The following CTTNBP2NL variants were observed in gnomAD, a reference collection of about 807,000 sequenced individuals.
CTTNBP2NL encodes the protein CTTNBP2 N-terminal-like protein.
CTTNBP2NL carries 16 observed loss-of-function variants against 32.5 expected under a neutral mutation model. The observed-to-expected ratio is 0.49, with a 90% CI of 0.33 to 0.75. CTTNBP2NL has a LOEUF of 0.75. CTTNBP2NL is among the 30% of genes least tolerant of loss of function. CTTNBP2NL has a pLI of 0.02. For synonymous variants in CTTNBP2NL, 298 were observed against 289.4 expected (o/e 1.03, Z -0.30); for missense variants, 645 against 756.0 (o/e 0.85, Z 1.72).
chr1:112,391,146 T>A, the CTTNBP2NL span, among the ~76,000 whole-genome samples: 1 of 152,130 alleles, frequency 6.6e-6, no homozygotes, highest in Non-Finnish European at 1.5e-5. Context: ...TGGGAACAAA[T>A]GATGGGAGAA....
At chr1:112,395,937 G>A (rs774312805), upstream of CTTNBP2NL, among the ~76,000 whole-genome samples, 2 of 152,256 alleles carry the variant, frequency 1.3e-5, no homozygotes, top group South Asian at 2.1e-4. Context: ...TTCACGCAGA[G>A]GTGGAAAGTT....
intron 1 of CTTNBP2NL, among the ~76,000 whole-genome samples, chr1:112,400,966 C>CA (rs56784970): frequency 0.053 from 5,285 of 99,516 alleles, 231 homozygotes; most frequent in African/African-American, 0.14. Context: ...ACTCTGTCAC[C>CA]AAAAAAAAAA....
intron 1 of CTTNBP2NL, among the ~76,000 whole-genome samples, chr1:112,400,966 C>CAAA (rs56784970): frequency 1.1e-4 from 11 of 102,840 alleles, no homozygotes; most frequent in African/African-American, 1.5e-4. Flanking sequence ...ACTCTGTCAC[C>CAAA]AAAAAAAAAA....
intron 1 of CTTNBP2NL, among the ~76,000 whole-genome samples, chr1:112,399,543 A>G (rs1444400909): frequency 1.3e-5 from 2 of 152,090 alleles, no homozygotes; most frequent in Admixed American, 6.5e-5. Flanking sequence ...CTGGATTTGT[A>G]TCTTGGCAGA....
rs146135025 is a variant in CTTNBP2NL, at chr1:112,436,554, C to G, written c.100-12388C>G. On this transcript the variant is annotated intron_variant, in intron 3 of 5. Transcript: ENST00000271277. ...CTTAGAGACAGGTCTCACTGTGTTG[C>G]CCAGGCTGGTCTCACACGTCTGGCC... Among the ~76,000 whole-genome samples, 452 of 152,204 alleles carry G rather than the reference C, an allele frequency of 3.0e-3. 2 individuals are homozygous for G. The highest frequency in any genetic ancestry group is 0.01 in the African/African-American group (416 of 41,530).
intron 1 of CTTNBP2NL, among the ~76,000 whole-genome samples, chr1:112,397,296 C>T (rs764867541): frequency 3.9e-5 from 6 of 152,112 alleles, no homozygotes; most frequent in Non-Finnish European, 8.8e-5. Flanking sequence ...CTGCAGTTAA[C>T]CTTGAAGGTA....
At chr1:112,396,581 C>T (rs1452558551) in intron 1 of CTTNBP2NL, 2 of 152,512 alleles carry the variant, frequency 1.3e-5, no homozygotes, top group East Asian at 3.9e-4. Context: ...GGAGAGGACT[C>T]ACAGGTACCG....
chr1:112,460,545 T>G lies in CTTNBP2NL; in HGVS notation c.*3133T>G, dbSNP rs141469342. On this transcript the variant is annotated 3_prime_UTR_variant, in exon 6 of 6. Coordinates refer to ENST00000271277, the MANE Select transcript of CTTNBP2NL (RefSeq NM_018704.3). ...CCCTAGAAAAATGAATATGCCTATATGCAAAATTTGTTTGATGGCTTCATA... is the reference window on the plus strand; with the variant it reads ...CCCTAGAAAAATGAATATGCCTATAGGCAAAATTTGTTTGATGGCTTCATA... The G allele has an allele frequency of 2.6e-5, 4 of 152,346 alleles. No homozygotes were observed. Among genetic ancestry groups the G allele is most frequent in the Non-Finnish European group, 2.9e-5 (2 of 68,022 alleles). 9.4% of individuals were successfully genotyped at this position (152,346 alleles called of 1,614,324 possible).
rs1553225420 is a variant in CTTNBP2NL at position 112,430,204 on chromosome 1, T to TTCTTG, written c.99+13944_99+13945insGTCTT. Among the ~76,000 whole-genome samples, 27 of 53,326 alleles carry TTCTTG rather than the reference T, an allele frequency of 5.1e-4. 1 individual carries two copies. The highest frequency in any genetic ancestry group is 1.1e-3 in the African/African-American group (27 of 23,662). The allele number at this position is 53,326 out of a possible 152,430, so 35.0% of individuals were successfully genotyped here. ...TTCTTTTCTTTTCTTTTCTTTTCTTTTCTTTTCTTTTCTTTTCTTGTCTTT... is the reference window on the plus strand; with the variant it reads ...TTCTTTTCTTTTCTTTTCTTTTCTTTTCTTGTCTTTTCTTTTCTTTTCTTGTCTTT... On this transcript the variant is annotated intron_variant, in intron 3 of 5. Coordinates refer to ENST00000271277, the MANE Select transcript of CTTNBP2NL (RefSeq NM_018704.3).
intron 3 of CTTNBP2NL, among the ~76,000 whole-genome samples, chr1:112,417,602 A>T (rs1326233699): frequency 6.6e-6 from 1 of 152,230 alleles, no homozygotes; most frequent in Non-Finnish European, 1.5e-5. Flanking sequence ...AGAATCAGGC[A>T]CAAGTGTTGT....
chr1:112,423,703 A>G (rs924914867), intron 3 of CTTNBP2NL, among the ~76,000 whole-genome samples: 1 of 152,144 alleles, frequency 6.6e-6, no homozygotes, highest in Admixed American at 6.5e-5. Context: ...TTTCATTTCC[A>G]TGAAGTCCAA....
chr1:112,456,817 C>G lies in CTTNBP2NL; in HGVS notation c.1325C>G (p.Ala442Gly). The change falls in exon 6 of 6, where the codon GCT (alanine) becomes GGT (glycine). Residue 442 changes from alanine (A) to glycine (G), a missense_variant. Transcript: ENST00000271277. ...ACTAAGCGTTTATTGGGGTCATCAGCTAGCAGCCCTGGCTACCAGTCATCG... is the reference window on the plus strand; with the variant it reads ...ACTAAGCGTTTATTGGGGTCATCAGGTAGCAGCCCTGGCTACCAGTCATCG... ...VLTKRLLGSS[A>G]SSPGYQSSYQ... The G allele has an allele frequency of 6.2e-7, 1 of 1,614,108 alleles. No homozygotes were observed.
upstream of CTTNBP2NL, among the ~76,000 whole-genome samples, chr1:112,392,726 G>A (rs1295456098): frequency 6.6e-6 from 1 of 152,106 alleles, no homozygotes; most frequent in Non-Finnish European, 1.5e-5. Flanking sequence ...ACGGAGGCAG[G>A]TATTGGGATG....
chr1:112,457,171 G>A lies in CTTNBP2NL; in HGVS notation c.1679G>A (p.Ser560Asn), dbSNP rs1650394463. The A allele has an allele frequency of 6.2e-7, 1 of 1,614,126 alleles. No homozygotes were observed. The highest frequency in any genetic ancestry group is 8.5e-7 in the Non-Finnish European group (1 of 1,180,030). Residue 560 changes from serine to asparagine, a missense_variant, in exon 6 of 6, where the codon AGC becomes AAC. Coordinates refer to ENST00000271277, the MANE Select transcript of CTTNBP2NL (RefSeq NM_018704.3). ...CCAGGGAAAGTGTCCAGTCCCCTGAGCCCCCTGTCTCCAGGAATCAAGTCC... is the reference window on the plus strand; with the variant it reads ...CCAGGGAAAGTGTCCAGTCCCCTGAACCCCCTGTCTCCAGGAATCAAGTCC... ...PTPGKVSSPLSPLSPGIKSPT... is the reference protein window; with the variant it reads ...PTPGKVSSPLNPLSPGIKSPT...
Position 112,443,768 on chromosome 1 carries a change from A to C in CTTNBP2NL, c.100-5174A>C, listed in dbSNP as rs1191521232. Among the ~76,000 whole-genome samples, 28 of 152,240 alleles carry C rather than the reference A, an allele frequency of 1.8e-4. 2 individuals are homozygous for C. ...CTAAATCAGCTCTTTTATTAGTATC[A>C]AACATTAAAATCTAGTTCTTGTTCA... is the stretch of plus-strand genomic sequence containing the variant. On this transcript the variant is annotated intron_variant, in intron 3 of 5. Transcript: ENST00000271277.
upstream of CTTNBP2NL, among the ~76,000 whole-genome samples, chr1:112,392,776 G>A (rs2100983706): frequency 6.6e-6 from 1 of 152,184 alleles, no homozygotes; most frequent in East Asian, 1.9e-4. Context: ...ACCACCAGAA[G>A]CCAGGGGAGA....
Position 112,456,083 on chromosome 1 carries a change from A to G in CTTNBP2NL, c.591A>G (p.Gly197=), listed in dbSNP as rs912110952. ...KKATNKAAEE[G]QKAGELSLKL... ...CCACCAACAAGGCAGCCGAGGAAGG[A>G]CAGAAGGCAGGAGAGCTGAGCCTGA... Residue 197 remains glycine, a synonymous_variant, in exon 6 of 6, where the codon GGA becomes GGG. Transcript: ENST00000271277. 2 of 1,614,058 alleles carry G rather than the reference A, an allele frequency of 1.2e-6. No individual in the cohort carries two copies. Among genetic ancestry groups the G allele is most frequent in the Non-Finnish European group, 1.7e-6 (2 of 1,180,024 alleles).
chr1:112,425,559 G>C (rs1019437473), intron 3 of CTTNBP2NL, among the ~76,000 whole-genome samples: 2 of 152,002 alleles, frequency 1.3e-5, no homozygotes, highest in African/African-American at 4.8e-5. Context: ...AATTCCAGTA[G>C]CTTTTAAAAT....
rs1036695158 is a variant in CTTNBP2NL, at chr1:112,459,869, T to A, written c.*2457T>A. On this transcript the variant is annotated 3_prime_UTR_variant, in exon 6 of 6. Coordinates refer to ENST00000271277, the MANE Select transcript of CTTNBP2NL (RefSeq NM_018704.3). ...ATTTCTTAGGAAGTGCACTGAATAA[T>A]GTATTTCTTTTACAGTGTAATATGG... 1 of 152,222 alleles carries A rather than the reference T, an allele frequency of 6.6e-6. No individual in the cohort carries two copies. Among genetic ancestry groups the A allele is most frequent in the Admixed American group, 6.5e-5 (1 of 15,288 alleles). 9.4% of individuals were successfully genotyped at this position (152,222 alleles called of 1,614,324 possible).
Sources: allele counts gnomAD v4.1 joint callset (sites outside exome capture counted in the v4.1 genomes callset), GRCh38; gene constraint gnomAD v4.1.1; transcripts MANE v1.5; gene names NCBI Gene and HGNC (gene_info 2026-07-23, HGNC 2026-07-21).